PDHX: variants seen among roughly 807,000 people sequenced by gnomAD.
PDHX encodes pyruvate dehydrogenase complex component X.
PDHX carries 33 observed loss-of-function variants against 55.3 expected under a neutral mutation model. The ratio of observed to expected loss-of-function variants is 0.60; its 90% confidence interval spans 0.45 to 0.80. The LOEUF is 0.80. Ranked by LOEUF, PDHX falls within the 30% of genes least tolerant of loss-of-function variation. The pLI, the probability that PDHX is intolerant of heterozygous loss-of-function variation, is 0.00. For synonymous variants in PDHX, 226 were observed against 219.4 expected, an observed-to-expected ratio of 1.03 and a Z score of -0.27; for missense variants, 622 against 619.9, an observed-to-expected ratio of 1.00 and a Z score of -0.04.
At chr11:34,924,570 G>A (rs1853972457) in intron 1 of PDHX, among the ~76,000 whole-genome samples, 1 of 152,122 alleles carries the variant, frequency 6.6e-6, no homozygotes, top group Non-Finnish European at 1.5e-5. Flanking sequence ...TTAGAGAAGA[G>A]GAAACAGACA....
intron 2 of PDHX, among the ~76,000 whole-genome samples, chr11:34,936,067 G>T (rs112336611): frequency 7.2e-5 from 11 of 152,320 alleles, no homozygotes. Flanking sequence ...CAGATGTGGG[G>T]ATCAGGAAGA....
At chr11:34,966,999 G>A (rs540941636) in intron 6 of PDHX, among the ~76,000 whole-genome samples, 185 bp downstream of exon 6, 1 of 151,794 alleles carries the variant, frequency 6.6e-6, no homozygotes, top group Admixed American at 6.6e-5. Context: ...TTATAGGCAC[G>A]CACCACCACA....
At chr11:34,928,352 T>A (rs1854072665) in intron 1 of PDHX, among the ~76,000 whole-genome samples, 1 of 150,934 alleles carries the variant, frequency 6.6e-6, no homozygotes, top group Non-Finnish European at 1.5e-5. Context: ...AACTTTTTGA[T>A]AGAAAGAACA....
At chr11:34,929,027 C>G (rs1007371679) in intron 1 of PDHX, among the ~76,000 whole-genome samples, 1 of 152,152 alleles carries the variant, frequency 6.6e-6, no homozygotes, top group Non-Finnish European at 1.5e-5. Context: ...TTCAGTGAAA[C>G]TGTTTCAGCT....
Position 34,916,722 on chromosome 11 carries a change from C to T in PDHX, c.67C>T (p.Arg23Cys), listed in dbSNP as rs1049306. ...GCGTTATCTTGTGGGCTTCCCCGGCCGCCGAAGCGTAGGGCTGGTGAAGGG... is the reference window on the plus strand; with the variant it reads ...GCGTTATCTTGTGGGCTTCCCCGGCTGCCGAAGCGTAGGGCTGGTGAAGGG... Reference protein sequence around the residue: ...LLRYLVGFPGRRSVGLVKGAL... With the variant: ...LLRYLVGFPGCRSVGLVKGAL... Residue 23 changes from arginine to cysteine, a missense_variant, in exon 1 of 11, where the codon CGC becomes TGC. Arg to Cys is a radical substitution (Grantham distance 180). Coordinates refer to ENST00000227868, the MANE Select transcript of PDHX (RefSeq NM_003477.3). 202,542 of 1,612,854 alleles carry T rather than the reference C, an allele frequency of 0.13. 15,944 individuals are homozygous for T. Among genetic ancestry groups the T allele is most frequent in the African/African-American group, 0.39 (29,454 of 74,868 alleles).
chr11:34,923,843 A>C (rs1482404919), intron 1 of PDHX, among the ~76,000 whole-genome samples: 1 of 152,244 alleles, frequency 6.6e-6, no homozygotes, highest in Non-Finnish European at 1.5e-5. Flanking sequence ...GGAAGTGAAT[A>C]GTATGAGCAC....
chr11:34,970,253 G>A lies in PDHX; in HGVS notation c.931G>A (p.Ala311Thr). Reference sequence around the variant, plus strand: ...TGCTACTGCTGACTGTGACCTTGGAGCTGTTTTAAAAGTTAGGCAAGATCT... The same window carrying A: ...TGCTACTGCTGACTGTGACCTTGGAACTGTTTTAAAAGTTAGGCAAGATCT... ...AYATADCDLG[A>T]VLKVRQDLVK... Residue 311 changes from alanine to threonine, a missense_variant, in exon 7 of 11, where the codon GCT becomes ACT. Physicochemically the swap from Ala to Thr is moderately conservative, Grantham distance 58. Transcript: ENST00000227868. 1.2e-6 allele frequency: 2 copies of A among 1,613,870 alleles called. No homozygotes were observed. Among genetic ancestry groups the A allele is most frequent in the Non-Finnish European group, 1.7e-6 (2 of 1,179,826 alleles).
intron 5 of PDHX, among the ~76,000 whole-genome samples, chr11:34,964,879 A>G (rs1215549867): frequency 7.2e-6 from 1 of 139,126 alleles, no homozygotes; most frequent in African/African-American, 3.4e-5. Flanking sequence ...AATATTACAT[A>G]TTACTAAATA....
At chr11:34,983,599 C>T (rs979618927) in intron 8 of PDHX, among the ~76,000 whole-genome samples, 1 of 150,594 alleles carries the variant, frequency 6.6e-6, no homozygotes, top group Non-Finnish European at 1.5e-5. Flanking sequence ...AATCAATGTG[C>T]AAAAATCACA....
At chr11:34,946,307 T>A (rs1446227209) in intron 2 of PDHX, among the ~76,000 whole-genome samples, 1 of 152,172 alleles carries the variant, frequency 6.6e-6, no homozygotes, top group African/African-American at 2.4e-5. Context: ...TTCTTGTTCT[T>A]GTGATGGCTC....
chr11:34,987,692 G>A (rs1286233746), intron 9 of PDHX, among the ~76,000 whole-genome samples: 6 of 151,116 alleles, frequency 4.0e-5, no homozygotes, highest in African/African-American at 1.5e-4. Context: ...TGGATGAATA[G>A]GCATTAAAAA....
intron 2 of PDHX, among the ~76,000 whole-genome samples, chr11:34,937,954 A>G (rs1854374539): frequency 6.6e-6 from 1 of 152,252 alleles, no homozygotes. Context: ...GAGTGAAGTC[A>G]GTAGGCATAA....
At chr11:34,937,125 C>A (rs1022495178) in intron 2 of PDHX, among the ~76,000 whole-genome samples, 2 of 152,180 alleles carry the variant, frequency 1.3e-5, no homozygotes, top group African/African-American at 4.8e-5. Context: ...CTATTAGTAG[C>A]ATTGCGTTGA....
chr11:34,990,532 G>C (rs1456357285), intron 9 of PDHX, among the ~76,000 whole-genome samples: 1 of 152,110 alleles, frequency 6.6e-6, no homozygotes, highest in Admixed American at 6.6e-5. Context: ...TGTGGTAATT[G>C]TGTGGTAGTT....
chr11:34,986,712 A>G (rs983744391), intron 9 of PDHX, among the ~76,000 whole-genome samples: 7 of 152,168 alleles, frequency 4.6e-5, no homozygotes, highest in African/African-American at 1.7e-4. Flanking sequence ...AGAGGTAAGA[A>G]CGCAGTCTCA....
intron 7 of PDHX, among the ~76,000 whole-genome samples, chr11:34,975,819 G>A (rs558805344): frequency 6.6e-6 from 1 of 152,252 alleles, no homozygotes; most frequent in East Asian, 1.9e-4. Flanking sequence ...CTTTCACCCT[G>A]TCAGGATGGG....
intron 2 of PDHX, among the ~76,000 whole-genome samples, chr11:34,946,341 GAT>G: frequency 6.7e-6 from 1 of 150,362 alleles, no homozygotes; most frequent in South Asian, 2.1e-4. Flanking sequence ...TATGTTTTTG[GAT>G]GTCCTCAAGT....
At chr11:34,989,523 G>C (rs1564934427) in intron 9 of PDHX, among the ~76,000 whole-genome samples, 1 of 151,882 alleles carries the variant, frequency 6.6e-6, no homozygotes, top group Non-Finnish European at 1.5e-5. Flanking sequence ...AGAAACCAAG[G>C]CTCTCTACCT....
chr11:34,969,610 C>T (rs1178512267), intron 6 of PDHX, among the ~76,000 whole-genome samples: 2 of 152,040 alleles, frequency 1.3e-5, no homozygotes, highest in Non-Finnish European at 2.9e-5. Flanking sequence ...CCAAAGTAAT[C>T]CTGAGATTAC....
Sources: allele counts gnomAD v4.1 joint callset (sites outside exome capture counted in the v4.1 genomes callset), GRCh38; gene constraint gnomAD v4.1.1; transcripts MANE v1.5; gene names NCBI Gene and HGNC (gene_info 2026-07-23, HGNC 2026-07-21).